NOTCH2: variants seen among roughly 807,000 people sequenced by gnomAD.
NOTCH2 encodes neurogenic locus notch homolog protein 2.
A neutral mutation model predicts 235.8 loss-of-function variants in NOTCH2; 29 were observed. The observed-to-expected ratio is 0.12, with a 90% CI of 0.09 to 0.17. NOTCH2 has a LOEUF of 0.17. NOTCH2 is among the 10% of genes least tolerant of loss of function. NOTCH2 has a pLI of 1.00. For missense variants in NOTCH2, 2,285 were observed against 3,150.2 expected, an observed-to-expected ratio of 0.73 and a Z score of 6.57; for synonymous variants, 1,086 against 1,141.5, an observed-to-expected ratio of 0.95 and a Z score of 0.98.
rs1019953804 is a variant in NOTCH2 at position 119,914,427 on chromosome 1, G to C, written c.*879C>G. The C allele has an allele frequency of 1.3e-5, 3 of 233,056 alleles. No individual in the cohort carries two copies. The highest frequency in any genetic ancestry group is 6.6e-5 in the African/African-American group (3 of 45,282). 14.4% of individuals were successfully genotyped at this position (233,056 alleles called of 1,614,324 possible). ...ACTATCAAGGATAAAACTTTACACT[G>C]ACCAGGCCCATACACAGAAAAACAA... On this transcript the variant is annotated 3_prime_UTR_variant, in exon 34 of 34. Coordinates refer to ENST00000256646, the MANE Select transcript of NOTCH2 (RefSeq NM_024408.4).
intron 4 of NOTCH2, among the ~76,000 whole-genome samples, chr1:119,988,707 G>A (rs945014551): frequency 6.6e-6 from 1 of 152,092 alleles, no homozygotes; most frequent in Non-Finnish European, 1.5e-5. Context: ...TGGGGAAAAT[G>A]GGGCCCCTGG....
At chr1:119,922,037 C>T (rs1041798587) in intron 28 of NOTCH2, among the ~76,000 whole-genome samples, 199 bp downstream of exon 28, 9 of 152,098 alleles carry the variant, frequency 5.9e-5, no homozygotes, top group South Asian at 2.1e-4. Flanking sequence ...AGAAGCTGGG[C>T]GGCATTGTGA....
intron 16 of NOTCH2, among the ~76,000 whole-genome samples, chr1:119,948,790 T>C (rs587746369): frequency 6.6e-6 from 1 of 152,270 alleles, no homozygotes; most frequent in Admixed American, 6.5e-5. Context: ...AGGCTTAGGT[T>C]GCAGCCTTCC....
intron 18 of NOTCH2, 37 bp from the exon 19 acceptor site, chr1:119,940,793 G>A (rs1650038081): frequency 1.3e-6 from 2 of 1,569,408 alleles, no homozygotes; most frequent in Admixed American, 1.7e-5. Flanking sequence ...CTATGTATCT[G>A]GTGCCTGTGA....
At chr1:120,067,400 T>C (rs1171928260) in intron 1 of NOTCH2, among the ~76,000 whole-genome samples, 1 of 151,976 alleles carries the variant, frequency 6.6e-6, no homozygotes, top group African/African-American at 2.4e-5. Context: ...AGAGCAGAGG[T>C]GGAGGGCATA....
chr1:119,951,128 A>C (rs1553197752), intron 14 of NOTCH2, among the ~76,000 whole-genome samples: 1 of 152,150 alleles, frequency 6.6e-6, no homozygotes, highest in African/African-American at 2.4e-5. Context: ...CTTGGTTCAA[A>C]AGCTTGTTGC....
chr1:119,959,340 T>G, intron 12 of NOTCH2, 52 bp downstream of exon 12: 1 of 966,514 alleles, frequency 1.0e-6, no homozygotes, highest in Non-Finnish European at 1.7e-6. Flanking sequence ...GGATGCTATA[T>G]TCCCAAAGTG....
chr1:119,968,939 T>TC (rs782811991), intron 6 of NOTCH2, among the ~76,000 whole-genome samples: 31 of 152,236 alleles, frequency 2.0e-4, no homozygotes, highest in Non-Finnish European at 4.1e-4. Flanking sequence ...CAGAAAGTTC[T>TC]CCCAGCTAAA....
At chr1:119,974,358 G>C (rs1651480822) in intron 5 of NOTCH2, among the ~76,000 whole-genome samples, 2 of 152,198 alleles carry the variant, frequency 1.3e-5, no homozygotes, top group Non-Finnish European at 2.9e-5. Context: ...TCAGGACTGA[G>C]GCAGTGGACT....
At chr1:120,009,475 G>A (rs1261425986) in intron 2 of NOTCH2, among the ~76,000 whole-genome samples, 1 of 151,202 alleles carries the variant, frequency 6.6e-6, no homozygotes, top group East Asian at 1.9e-4. Context: ...ACTTTCATGA[G>A]GTCCCATTTC....
At chr1:119,948,688 C>T (rs782468761) in intron 16 of NOTCH2, 122 bp from the exon 17 acceptor site, 40 of 1,180,114 alleles carry the variant, frequency 3.4e-5, no homozygotes, top group Non-Finnish European at 4.2e-5. Context: ...GGTTGGCCCC[C>T]TGCTTTAGGA....
In NOTCH2 at chr1:119,968,252, A is replaced by T; in HGVS notation, c.1109-20T>A. On this transcript the variant is annotated intron_variant, in intron 6 of 33. Transcript: ENST00000256646. ...GGAGACCTGTCACAGGGTGGGGCAA[A>T]GGACAACTAAGAGAAAATGTCTCTC... 1 of 1,612,610 alleles carries T rather than the reference A, an allele frequency of 6.2e-7. No homozygotes were observed. Among genetic ancestry groups the T allele is most frequent in the South Asian group, 1.1e-5 (1 of 91,022 alleles).
chr1:119,932,009 CAT>C (rs201566962), intron 22 of NOTCH2, among the ~76,000 whole-genome samples: 2,716 of 142,966 alleles, frequency 0.019, 36 homozygotes, highest in East Asian at 0.046. Context: ...TGTATATATA[CAT>C]ATATATATAT....
At chr1:119,932,581 C>T (rs1241725243) in intron 22 of NOTCH2, among the ~76,000 whole-genome samples, 1 of 151,556 alleles carries the variant, frequency 6.6e-6, no homozygotes, top group Non-Finnish European at 1.5e-5. Flanking sequence ...GAGCAAAACT[C>T]CATCTCAAAA....
At chr1:119,972,604 G>A (rs1338027435) in intron 5 of NOTCH2, among the ~76,000 whole-genome samples, 1 of 152,160 alleles carries the variant, frequency 6.6e-6, no homozygotes, top group African/African-American at 2.4e-5. Flanking sequence ...GACAAACTAG[G>A]TAAATAAAGG....
At position 119,953,650 on chromosome 1, in the gene NOTCH2, T is replaced by C. The variant is rs1553198088; in HGVS notation, c.2258A>G (p.Asn753Ser). The C allele has an allele frequency of 6.2e-7, 1 of 1,614,212 alleles. No individual in the cohort carries two copies. Among genetic ancestry groups the C allele is most frequent in the South Asian group, 1.1e-5 (1 of 91,080 alleles). The change falls in exon 14 of 34, where the codon AAC becomes AGC. Residue 753 changes from asparagine (N) to serine (S), a missense_variant. This residue lies in a region of NOTCH2 where 1,173 missense variants were observed against 1,515.3 expected (regional missense o/e 0.77). Coordinates refer to ENST00000256646, the MANE Select transcript of NOTCH2 (RefSeq NM_024408.4). ...CLCDAGWVGINCEVDKNECLS... is the reference protein window; with the variant it reads ...CLCDAGWVGISCEVDKNECLS... The stretch of plus-strand genomic sequence containing the variant: ...GCATTCATTTTTGTCCACTTCACAG[T>C]TGATGCCAACCCAGCCTGCATCACA...
chr1:120,039,181 G>C (rs1248375545), intron 1 of NOTCH2, among the ~76,000 whole-genome samples: 3 of 152,108 alleles, frequency 2.0e-5, no homozygotes, highest in African/African-American at 7.2e-5. Flanking sequence ...ACCCAACAGA[G>C]AGGAAGAAGC....
Position 119,913,620 on chromosome 1 carries a change from C to T in NOTCH2, c.*1686G>A. ...TACAATTAACTAAAATGCTTCTGCC[C>T]TTAAAAGAAAGTCAAAGAAATTGCC... On this transcript the variant is annotated 3_prime_UTR_variant, in exon 34 of 34. Coordinates refer to ENST00000256646, the MANE Select transcript of NOTCH2 (RefSeq NM_024408.4). The T allele has an allele frequency of 4.3e-6, 1 of 233,226 alleles. No homozygotes were observed. Among genetic ancestry groups the T allele is most frequent in the Non-Finnish European group, 8.5e-6 (1 of 118,032 alleles). The allele number at this position is 233,226 out of a possible 1,614,324, so 14.4% of individuals were successfully genotyped here. A position where few individuals can be genotyped will look rare whatever the true frequency, so the allele number is the denominator to read the frequency against.
At chr1:119,945,292 A>G (rs1650213542) in intron 17 of NOTCH2, among the ~76,000 whole-genome samples, 1 of 152,178 alleles carries the variant, frequency 6.6e-6, no homozygotes, top group Non-Finnish European at 1.5e-5. Context: ...AATTATTTCA[A>G]AAGATGTCAG....
Sources: gnomAD v4.1 joint callset for allele counts (sites outside exome capture counted in the v4.1 genomes callset) on GRCh38, gnomAD v4.1.1 for gene constraint, gnomAD v4.1.1 regional missense constraint, MANE v1.5 for transcripts, NCBI Gene and HGNC (gene_info 2026-07-23, HGNC 2026-07-21) for gene names.